The following CDC42BPA variants were observed in gnomAD, a reference collection of about 807,000 sequenced individuals.
The protein encoded by CDC42BPA is CDC42 binding protein kinase alpha.
Under a neutral mutation model 223.5 loss-of-function variants are expected in CDC42BPA, and 80 were observed. The observed-to-expected ratio is 0.36, with a 90% CI of 0.30 to 0.43. The LOEUF (loss-of-function observed/expected upper bound fraction) is 0.43. Among genes scored for constraint, CDC42BPA ranks in the 20% least tolerant of loss-of-function variants. The pLI is 1.00. For synonymous variants in CDC42BPA, 694 were observed against 718.6 expected, an observed-to-expected ratio of 0.97 and a Z score of 0.55; for missense variants, 1,743 against 2,099.9, an observed-to-expected ratio of 0.83 and a Z score of 3.32.
rs370732857 is a variant in CDC42BPA, at chr1:227,239,256, G to A, written c.270+14808C>T. Among the ~76,000 whole-genome samples the A allele has an allele frequency of 2.6e-5, 4 of 152,302 alleles. No individual in the cohort carries two copies. The East Asian group carries it at 7.7e-4, about 29-fold the overall frequency. On this transcript the variant is annotated intron_variant, in intron 2 of 36. Coordinates refer to ENST00000366766, the MANE Select transcript of CDC42BPA (RefSeq NM_001394014.1). Reference sequence around the variant, plus strand: ...AAAAAAAGACCAGTGGTGGCCAGGGGTCAGTGGTGAGGGAGAAATGAATAA... The same window carrying A: ...AAAAAAAGACCAGTGGTGGCCAGGGATCAGTGGTGAGGGAGAAATGAATAA...
intron 27 of CDC42BPA, 38 bp from the exon 28 acceptor site, chr1:227,031,552 C>T (rs1466844451): frequency 6.6e-7 from 1 of 1,516,266 alleles, no homozygotes; most frequent in African/African-American, 1.4e-5. Context: ...TATTAGAAAA[C>T]AGACACCCTT....
chr1:227,287,934 G>A (rs1180922263), intron 1 of CDC42BPA, among the ~76,000 whole-genome samples: 1 of 152,114 alleles, frequency 6.6e-6, no homozygotes, highest in African/African-American at 2.4e-5. Context: ...CATTACTGAG[G>A]GGATTAAACA....
At chr1:227,245,826 G>A (rs1222051809) in intron 2 of CDC42BPA, among the ~76,000 whole-genome samples, 2 of 152,050 alleles carry the variant, frequency 1.3e-5, no homozygotes, top group African/African-American at 4.8e-5. Flanking sequence ...CAATACCCAG[G>A]GAGTATGCTG....
At chr1:227,199,382 G>C (rs1671328583) in intron 4 of CDC42BPA, among the ~76,000 whole-genome samples, 175 bp downstream of exon 4, 1 of 151,828 alleles carries the variant, frequency 6.6e-6, no homozygotes, top group African/African-American at 2.4e-5. Flanking sequence ...CCAATGAAAA[G>C]GTATCAAATT....
chr1:227,138,381 C>G (rs1659033312), intron 10 of CDC42BPA, among the ~76,000 whole-genome samples: 1 of 151,756 alleles, frequency 6.6e-6, no homozygotes, highest in Admixed American at 6.6e-5. Context: ...TCACTGAAGG[C>G]CTCATTCAAT....
chr1:227,030,543 G>A (rs1669094861), intron 28 of CDC42BPA, 73 bp from the exon 29 acceptor site: 3 of 881,288 alleles, frequency 3.4e-6, no homozygotes, highest in Non-Finnish European at 1.8e-6. Context: ...CAGATGATAA[G>A]AACATTTGGT....
chr1:227,056,660 G>A (rs1247169848), intron 21 of CDC42BPA, among the ~76,000 whole-genome samples: 2 of 152,046 alleles, frequency 1.3e-5, no homozygotes, highest in Non-Finnish European at 2.9e-5. Flanking sequence ...CAAAGTGCTG[G>A]GATTACAGGC....
At position 227,160,580 on chromosome 1, in the gene CDC42BPA, T is replaced by C; in HGVS notation, c.656A>G (p.Asp219Gly). 2 of 1,609,854 alleles carry C rather than the reference T, an allele frequency of 1.2e-6. No homozygotes were observed. Among genetic ancestry groups the C allele is most frequent in the Non-Finnish European group, 8.5e-7 (1 of 1,176,278 alleles). The change falls in exon 6 of 37, where the codon GAT (aspartate) becomes GGT (glycine). Residue 219 changes from aspartate to glycine, a missense_variant. This residue lies in a region of CDC42BPA where 321 missense variants were observed against 488.7 expected (regional missense o/e 0.66). Coordinates refer to ENST00000366766, the MANE Select transcript of CDC42BPA (RefSeq NM_001394014.1). The part of the protein sequence containing the change: ...MDMNGHIRLA[D>G]FGSCLKLMED... ...CATCAGCTTCAGACAAGAACCAAAA[T>C]CTGCTAACCGAATATGTCCATTCAT...
intron 1 of CDC42BPA, among the ~76,000 whole-genome samples, chr1:227,258,882 T>C (rs542624802): frequency 1.5e-4 from 23 of 151,124 alleles, no homozygotes; most frequent in Non-Finnish European, 2.6e-4. Context: ...GACTTTATAT[T>C]CATTACAACA....
At chr1:227,246,060 A>C (rs996427258) in intron 2 of CDC42BPA, among the ~76,000 whole-genome samples, 1 of 152,116 alleles carries the variant, frequency 6.6e-6, no homozygotes, top group Admixed American at 6.5e-5. Context: ...TCTGGGCCAG[A>C]GGGGGGCCCA....
intron 5 of CDC42BPA, among the ~76,000 whole-genome samples, chr1:227,188,752 G>C (rs143530140): frequency 1.3e-5 from 2 of 152,152 alleles, no homozygotes; most frequent in East Asian, 3.8e-4. Flanking sequence ...AAATTATTCC[G>C]CATAATACTA....
Position 227,030,548 on chromosome 1 carries a change from T to A in CDC42BPA, c.3776-78A>T, listed in dbSNP as rs1050378977. 4 of 844,962 alleles carry A rather than the reference T, an allele frequency of 4.7e-6. No homozygotes were observed. The African/African-American group carries it at 7.0e-5, about 15-fold the overall frequency. The allele number at this position is 844,962 out of a possible 1,614,324, so 52.3% of individuals were successfully genotyped here. On this transcript the variant is annotated intron_variant, in intron 28 of 36. Transcript: ENST00000366766. ...GCTAATAAACCAGATGATAAGAACATTTGGTGCAAAAAATGGAAATAAAAT... is the reference window on the plus strand; with the variant it reads ...GCTAATAAACCAGATGATAAGAACAATTGGTGCAAAAAATGGAAATAAAAT...
chr1:227,112,075 T>C, intron 14 of CDC42BPA: 1 of 338,116 alleles, frequency 3.0e-6, no homozygotes, highest in East Asian at 4.8e-5. Flanking sequence ...TGCATAAACA[T>C]TCTAACTCCC....
Position 227,199,575 on chromosome 1 carries a change from G to T in CDC42BPA, c.432C>A (p.Phe144Leu), listed in dbSNP as rs1044725014. 3 of 1,582,206 alleles carry T rather than the reference G, an allele frequency of 1.9e-6. No homozygotes were observed. The highest frequency in any genetic ancestry group is 1.7e-6 in the Non-Finnish European group (2 of 1,153,974). Residue 144 changes from phenylalanine (F) to leucine (L), a missense_variant, in exon 4 of 37, where the codon TTC becomes TTA. Transcript: ENST00000366766. ...NKWITTLHYA[F>L]QDDNNLYLVM... The stretch of plus-strand genomic sequence containing the variant: ...TTCTTACTAAGTTATTGTCATCCTG[G>T]AAAGCATAGTGCAAGGTTGTAATCC...
chr1:227,012,140 C>T (rs1665333904), intron 34 of CDC42BPA, among the ~76,000 whole-genome samples: 1 of 152,120 alleles, frequency 6.6e-6, no homozygotes, highest in Admixed American at 6.5e-5. Context: ...CATCTTAAAG[C>T]TCCAGGATGT....
chr1:227,279,087 T>C (rs1231488284), intron 1 of CDC42BPA, among the ~76,000 whole-genome samples: 16 of 152,022 alleles, frequency 1.1e-4, no homozygotes, highest in Non-Finnish European at 4.4e-5. Context: ...TTCCTGAAGG[T>C]TAAATTAGGA....
intron 2 of CDC42BPA, among the ~76,000 whole-genome samples, chr1:227,227,639 G>C (rs759071911): frequency 6.6e-6 from 1 of 152,160 alleles, no homozygotes; most frequent in African/African-American, 2.4e-5. Flanking sequence ...AGGCATCATA[G>C]CTGGCCTTCA....
chr1:227,047,095 T>C (rs1235830662), intron 23 of CDC42BPA, among the ~76,000 whole-genome samples: 2 of 152,116 alleles, frequency 1.3e-5, no homozygotes, highest in African/African-American at 4.8e-5. Flanking sequence ...TCTTCCCTCC[T>C]ACTAACTTGT....
At chr1:227,149,967 T>C (rs1661416963) in intron 6 of CDC42BPA, among the ~76,000 whole-genome samples, 1 of 152,184 alleles carries the variant, frequency 6.6e-6, no homozygotes. Context: ...CTCACACCAG[T>C]AATCCCACCA....
Sources: allele counts gnomAD v4.1 joint callset (sites outside exome capture counted in the v4.1 genomes callset), GRCh38; gene constraint gnomAD v4.1.1; regional missense constraint gnomAD v4.1.1; transcripts MANE v1.5; gene names NCBI Gene and HGNC (gene_info 2026-07-23, HGNC 2026-07-21).